KLHL4: variants seen among roughly 807,000 people sequenced by gnomAD.
KLHL4 encodes the protein kelch like family member 4.
In KLHL4, 17 loss-of-function variants were observed where a neutral mutation model predicts 45.8. That is an observed-to-expected ratio of 0.37 (90% CI 0.25 to 0.56). The LOEUF is 0.56. KLHL4 is among the 20% of genes least tolerant of loss of function. The pLI is 0.79. For synonymous variants in KLHL4, 224 were observed against 189.9 expected (o/e 1.18, Z -1.47); for missense variants, 544 against 544.9 (o/e 1.00, Z 0.02).
rs982998491 is a variant in KLHL4 at position 87,666,790 on chromosome X, A to G, written c.*256A>G. ...TAAAAGGAAATCCCACAGTCTAGAT[A>G]TAGCCCCATTACTACAAAATGCTAA... On this transcript the variant is annotated 3_prime_UTR_variant, in exon 11 of 11. Transcript: ENST00000373119. 25 of 864,489 alleles carry G rather than the reference A, an allele frequency of 2.9e-5. No homozygotes were observed. The African/African-American group carries it at 4.9e-4, about 17-fold the overall frequency. 71.2% of individuals were successfully genotyped at this position (864,489 alleles called of 1,213,427 possible).
intron 1 of KLHL4, among the ~76,000 whole-genome samples, chrX:87,554,559 C>A (rs1411396531): frequency 1.0e-5 from 1 of 100,090 alleles, no homozygotes; most frequent in African/African-American, 3.7e-5. Context: ...GATTTTTGCA[C>A]ATTGATTTTG....
chrX:87,572,412 CTCTCTCTT>C (rs1932351814), intron 1 of KLHL4, among the ~76,000 whole-genome samples: 1 of 110,889 alleles, frequency 9.0e-6, no homozygotes, highest in Admixed American at 9.6e-5. Flanking sequence ...AAAGAGCTCT[CTCTCTCTT>C]TCTCTCTATT....
At position 87,667,033 on chromosome X, in the gene KLHL4, A is replaced by G; in HGVS notation, c.*499A>G. 1 of 737,741 alleles carries G rather than the reference A, an allele frequency of 1.4e-6. No individual in the cohort carries two copies. 60.8% of individuals were successfully genotyped at this position (737,741 alleles called of 1,213,427 possible). On this transcript the variant is annotated 3_prime_UTR_variant, in exon 11 of 11. Transcript: ENST00000373119. The stretch of plus-strand genomic sequence containing the variant: ...ATTCTCCTATTCAAATAATATCCCA[A>G]AGAGCTAAACAATTCCTTACATTTA...
At chrX:87,594,204 C>A (rs1368329123) in intron 1 of KLHL4, among the ~76,000 whole-genome samples, 3 of 111,965 alleles carry the variant, frequency 2.7e-5, no homozygotes, top group Middle Eastern at 4.7e-3. Context: ...AGCTTCAATT[C>A]TTTACATTAC....
intron 9 of KLHL4, among the ~76,000 whole-genome samples, chrX:87,641,716 G>A (rs137878213): frequency 0.021 from 2,304 of 111,089 alleles, 26 homozygotes; most frequent in Middle Eastern, 0.037. Flanking sequence ...TAGTGGGAGT[G>A]AGATCAGCTC....
rs1390397334 is a variant in KLHL4, at chrX:87,555,565, T to C, written c.422+37250T>C. On this transcript the variant is annotated intron_variant, in intron 1 of 10. Coordinates refer to ENST00000373119, the MANE Select transcript of KLHL4 (RefSeq NM_019117.5). ...TATTTCTGTGGGATCGGTGGTGATA[T>C]CCCCTTTATCATTTTTTATTGCGTC... 3.7e-5 allele frequency among the ~76,000 whole-genome samples: 4 copies of C among 108,089 alleles called. No homozygotes were observed. The East Asian group carries it at 8.9e-4, about 24-fold the overall frequency. The allele number at this position is 108,089 out of a possible 115,157, so 93.9% of individuals were successfully genotyped here.
At chrX:87,602,295 A>G (rs773571323) in intron 1 of KLHL4, among the ~76,000 whole-genome samples, 3 of 111,575 alleles carry the variant, frequency 2.7e-5, no homozygotes, top group African/African-American at 6.5e-5. Context: ...TTCACTACTT[A>G]TAAAGTCCAC....
At chrX:87,630,468 C>T (rs979584786) in intron 6 of KLHL4, among the ~76,000 whole-genome samples, 3 of 110,688 alleles carry the variant, frequency 2.7e-5, no homozygotes, top group Non-Finnish European at 5.7e-5. Flanking sequence ...TGGTGTGCTG[C>T]ACCCATTAAC....
Position 87,667,575 on chromosome X carries a change from G to C in KLHL4, c.*1041G>C. ...TTATATTATCCAGTAGAAAATGTTAGGATATGTGTGCTATATAAAAAAAAA... is the reference window on the plus strand; with the variant it reads ...TTATATTATCCAGTAGAAAATGTTACGATATGTGTGCTATATAAAAAAAAA... On this transcript the variant is annotated 3_prime_UTR_variant, in exon 11 of 11. Transcript: ENST00000373119. 2 of 623,287 alleles carry C rather than the reference G, an allele frequency of 3.2e-6. No homozygotes were observed. The highest frequency in any genetic ancestry group is 3.8e-6 in the Non-Finnish European group (2 of 524,553). 51.4% of individuals were successfully genotyped at this position (623,287 alleles called of 1,213,427 possible).
At chrX:87,573,389 C>T (rs1920999614) in intron 1 of KLHL4, among the ~76,000 whole-genome samples, 1 of 108,523 alleles carries the variant, frequency 9.2e-6, no homozygotes, top group Non-Finnish European at 1.9e-5. Flanking sequence ...AATCTCAGCT[C>T]ATGTGGAGGT....
chrX:87,529,773 G>C (rs778829074), intron 1 of KLHL4, among the ~76,000 whole-genome samples: 104 of 111,743 alleles, frequency 9.3e-4, no homozygotes, highest in African/African-American at 3.3e-3. Flanking sequence ...TTTGAATAAA[G>C]ACCGTGTCAA....
At chrX:87,552,284 TA>T (rs1157734334) in intron 1 of KLHL4, among the ~76,000 whole-genome samples, 1 of 110,177 alleles carries the variant, frequency 9.1e-6, no homozygotes, top group African/African-American at 3.3e-5. Context: ...AACAAACATA[TA>T]AAAAATGATC....
intron 1 of KLHL4, among the ~76,000 whole-genome samples, chrX:87,580,561 G>C (rs1921242102): frequency 9.0e-6 from 1 of 110,847 alleles, no homozygotes; most frequent in Non-Finnish European, 1.9e-5. Flanking sequence ...AAAAAAAATA[G>C]GGAGCTATAC....
At chrX:87,571,591 G>A (rs1410097988) in intron 1 of KLHL4, among the ~76,000 whole-genome samples, 1 of 110,892 alleles carries the variant, frequency 9.0e-6, no homozygotes, top group Non-Finnish European at 1.9e-5. Flanking sequence ...CATGAAATAG[G>A]ATCATGACAG....
At chrX:87,531,078 G>T (rs1931261730) in intron 1 of KLHL4, among the ~76,000 whole-genome samples, 1 of 111,818 alleles carries the variant, frequency 8.9e-6, no homozygotes, top group Non-Finnish European at 1.9e-5. Context: ...CTTTTGAGAA[G>T]TGTCTGTTCA....
intron 6 of KLHL4, among the ~76,000 whole-genome samples, chrX:87,630,491 T>A (rs946741105): frequency 9.0e-6 from 1 of 111,493 alleles, no homozygotes; most frequent in Non-Finnish European, 1.9e-5. Flanking sequence ...TGAAATTTTT[T>A]AAACCTGCCA....
chrX:87,669,195 C>T lies in KLHL4; in HGVS notation c.*2661C>T, dbSNP rs1400598236. ...GCTCACACATTTACTGTACTCAGATCTGAAAGACAATGTTGCTTCTTGATT... is the reference window on the plus strand; with the variant it reads ...GCTCACACATTTACTGTACTCAGATTTGAAAGACAATGTTGCTTCTTGATT... On this transcript the variant is annotated 3_prime_UTR_variant, in exon 11 of 11. Coordinates refer to ENST00000373119, the MANE Select transcript of KLHL4 (RefSeq NM_019117.5). 1 of 1,087,754 alleles carries T rather than the reference C, an allele frequency of 9.2e-7. No individual in the cohort carries two copies. The highest frequency in any genetic ancestry group is 3.5e-5 in the Admixed American group (1 of 28,836). The allele number at this position is 1,087,754 out of a possible 1,213,427, so 89.6% of individuals were successfully genotyped here.
Position 87,669,520 on chromosome X carries a change from G to T in KLHL4, c.*2986G>T. The T allele has an allele frequency of 4.1e-6, 3 of 727,111 alleles. No homozygotes were observed. The highest frequency in any genetic ancestry group is 3.6e-6 in the Non-Finnish European group (2 of 558,200). The allele number at this position is 727,111 out of a possible 1,213,427, so 59.9% of individuals were successfully genotyped here. ...CTTCTGGAGTTCCAAATGCAATATA[G>T]AAAAAAAAACCCTGTGACTCTGGAT... On this transcript the variant is annotated 3_prime_UTR_variant, in exon 11 of 11. Coordinates refer to ENST00000373119, the MANE Select transcript of KLHL4 (RefSeq NM_019117.5).
Position 87,661,919 on chromosome X carries a change from C to T in KLHL4, c.1926-2845C>T, listed in dbSNP as rs5924083. ...ACTTTACATCTCTAAACATCAGTTT[C>T]GTCATGTGTAAAGTGGGAATAATAA... On this transcript the variant is annotated intron_variant, in intron 9 of 10. Coordinates refer to ENST00000373119, the MANE Select transcript of KLHL4 (RefSeq NM_019117.5). Among the ~76,000 whole-genome samples, 314 of 111,313 alleles carry T rather than the reference C, an allele frequency of 2.8e-3. 1 individual carries two copies. The highest frequency in any genetic ancestry group is 4.9e-3 in the Non-Finnish European group (259 of 53,052).
Sources: gnomAD v4.1 joint callset for allele counts (sites outside exome capture counted in the v4.1 genomes callset) on GRCh38, gnomAD v4.1.1 for gene constraint, MANE v1.5 for transcripts, NCBI Gene and HGNC (gene_info 2026-07-23, HGNC 2026-07-21) for gene names.